SMYD4: variants seen among roughly 807,000 people sequenced by gnomAD.
The protein encoded by SMYD4 is SET and MYND domain containing 4, also known as protein-lysine N-methyltransferase SMYD4.
In SMYD4, 68 loss-of-function variants were observed where a neutral mutation model predicts 72.8. The observed-to-expected ratio is 0.93, with a 90% confidence interval of 0.77 to 1.14. The LOEUF (loss-of-function observed/expected upper bound fraction) is 1.14, where lower values mean the gene tolerates loss of function less well. Among genes scored for constraint, SMYD4 ranks in the 50% most tolerant of loss-of-function variants. The pLI is 0.00. For missense variants in SMYD4, 984 were observed against 1,003.7 expected (o/e 0.98, Z 0.27); for synonymous variants, 407 against 388.6 (o/e 1.05, Z -0.56).
rs374636473 is a variant in SMYD4 at position 1,828,599 on chromosome 17, C to CTTTT, written c.-12-597_-12-594dup. On this transcript the variant is annotated intron_variant, in intron 1 of 10. Coordinates refer to ENST00000305513, the MANE Select transcript of SMYD4 (RefSeq NM_052928.3). ...GCTACCATCTGTGCTCTTAGATCCT[C>CTTTT]TTTTTTTTTTTTTTGTGAGGCAGAG... is the stretch of plus-strand genomic sequence containing the variant. 3.3e-5 allele frequency among the ~76,000 whole-genome samples: 4 copies of CTTTT among 121,794 alleles called. 1 individual carries two copies. The highest frequency in any genetic ancestry group is 6.6e-5 in the Non-Finnish European group (4 of 61,020). 79.9% of individuals were successfully genotyped at this position (121,794 alleles called of 152,430 possible).
intron 1 of SMYD4, among the ~76,000 whole-genome samples, chr17:1,828,997 T>C (rs909304757): frequency 6.6e-6 from 1 of 151,998 alleles, no homozygotes; most frequent in African/African-American, 2.4e-5. Flanking sequence ...CTTACATAGT[T>C]CAGCGTTCTG....
chr17:1,811,605 C>T (rs7212522), intron 3 of SMYD4, among the ~76,000 whole-genome samples: 110,436 of 152,146 alleles, frequency 0.73, 40,990 homozygotes, highest in Non-Finnish European at 0.8. Context: ...AATATGGGTC[C>T]ATCTCCTGAA....
Position 1,787,444 on chromosome 17 carries a change from C to A in SMYD4, c.1698G>T (p.Gly566=). 1 of 1,558,858 alleles carries A rather than the reference C, an allele frequency of 6.4e-7. No homozygotes were observed. The highest frequency in any genetic ancestry group is 8.7e-7 in the Non-Finnish European group (1 of 1,151,436). ...CACCATAGCAGTGGAGAATCTCTTGCCCCTTTCTAATCCGCTGTGACGCCC... is the reference window on the plus strand; with the variant it reads ...CACCATAGCAGTGGAGAATCTCTTGACCCTTTCTAATCCGCTGTGACGCCC... ...TIRASQRIRK[G]QEILHCYGPH... Residue 566 remains glycine (G), a synonymous_variant, in exon 6 of 11, where the codon GGG becomes GGT. Transcript: ENST00000305513.
intron 2 of SMYD4, among the ~76,000 whole-genome samples, chr17:1,820,953 C>G (rs1162018950): frequency 6.6e-6 from 1 of 152,124 alleles, no homozygotes; most frequent in Admixed American, 6.6e-5. Flanking sequence ...AACAGAATTA[C>G]AAATAGCTCT....
chr17:1,781,667 T>A (rs911666120), intron 10 of SMYD4: 3 of 291,034 alleles, frequency 1.0e-5, no homozygotes, highest in Non-Finnish European at 1.2e-5. Context: ...ACGAGGCAAA[T>A]CTCAAAGCTT....
chr17:1,826,715 A>G (rs1168589088), intron 2 of SMYD4, among the ~76,000 whole-genome samples: 2 of 152,156 alleles, frequency 1.3e-5, no homozygotes, highest in Non-Finnish European at 2.9e-5. Context: ...CTGCAAATAT[A>G]TAAGGTTCTG....
Position 1,787,411 on chromosome 17 carries a change from G to C in SMYD4, c.1720+11C>G. ...AGAAGGGCAGGATGGCAGTGCGGAG[G>C]GATGGCTCACCATAGCAGTGGAGAA... is the stretch of plus-strand genomic sequence containing the variant. On this transcript the variant is annotated intron_variant, in intron 6 of 10. Transcript: ENST00000305513. 6.4e-7 allele frequency: 1 copy of C among 1,552,926 alleles called. No homozygotes were observed. The highest frequency in any genetic ancestry group is 1.2e-5 in the South Asian group (1 of 84,102).
intron 7 of SMYD4, among the ~76,000 whole-genome samples, chr17:1,785,611 T>G (rs1908641374): frequency 6.6e-6 from 1 of 150,544 alleles, no homozygotes; most frequent in Non-Finnish European, 1.5e-5. Flanking sequence ...AATACAAAGA[T>G]TAGCTGGGCA....
At chr17:1,803,605 T>C (rs140816185) in intron 4 of SMYD4, among the ~76,000 whole-genome samples, 1,642 of 152,194 alleles carry the variant, frequency 0.011, 42 homozygotes, top group Admixed American at 0.067. Context: ...GTTCAAGAGA[T>C]TCTCCTGCCT....
At position 1,784,470 on chromosome 17, in the gene SMYD4, G is replaced by A. The variant is rs746937422; in HGVS notation, c.1885-9C>T. The A allele has an allele frequency of 9.9e-6, 16 of 1,613,886 alleles. No homozygotes were observed. The East Asian group carries it at 1.6e-4, about 16-fold the overall frequency. On this transcript the variant is annotated splice_polypyrimidine_tract_variant and intron_variant, in intron 7 of 10. Coordinates refer to ENST00000305513, the MANE Select transcript of SMYD4 (RefSeq NM_052928.3). ...CGCAGCACGTCATCTCCCTGTGGAA[G>A]TCAGTTTTCTCTTTATTCCAATGCC...
intron 3 of SMYD4, among the ~76,000 whole-genome samples, chr17:1,808,297 T>C (rs8074466): frequency 0.13 from 19,829 of 152,160 alleles, 1,620 homozygotes; most frequent in African/African-American, 0.23. Context: ...TAAAGAACCA[T>C]GTTCCAGTGG....
rs1050348238 is a variant in SMYD4 at position 1,829,848 on chromosome 17, T to A, written c.-135A>T. 2.8e-4 allele frequency: 87 copies of A among 315,958 alleles called. No homozygotes were observed. Among genetic ancestry groups the A allele is most frequent in the Non-Finnish European group, 4.5e-4 (80 of 178,112 alleles). 19.6% of individuals were successfully genotyped at this position (315,958 alleles called of 1,614,324 possible). On this transcript the variant is annotated 5_prime_UTR_variant, in exon 1 of 11. Coordinates refer to ENST00000305513, the MANE Select transcript of SMYD4 (RefSeq NM_052928.3). ...CCTGGCGCGCCCCTTGGCGCCCCGC[T>A]CCGCCCCGCACCGCGTCCGGCGTCC...
chr17:1,785,259 T>C (rs1027589002), intron 7 of SMYD4, among the ~76,000 whole-genome samples: 7 of 145,464 alleles, frequency 4.8e-5, no homozygotes, highest in African/African-American at 1.8e-4. Context: ...CCGTCTCTAC[T>C]AAAAATACAA....
chr17:1,784,200 TG>T (rs1292199014), intron 8 of SMYD4, 125 bp downstream of exon 8: 9 of 1,450,866 alleles, frequency 6.2e-6, no homozygotes, highest in Non-Finnish European at 7.5e-6. Flanking sequence ...ATAGCCATCT[TG>T]TGGCTGGCAT....
rs540448588 is a variant in SMYD4, at chr17:1,818,046, CAA to C, written c.135-5933_135-5932del. Reference sequence around the variant, plus strand: ...TGGGCGATGGAGCAAGACTCTGTCTCAAAAAAAAAAAAAAAAAAAGTTGTTTA... The same window carrying C: ...TGGGCGATGGAGCAAGACTCTGTCTCAAAAAAAAAAAAAAAAAGTTGTTTA... On this transcript the variant is annotated intron_variant, in intron 2 of 10. Coordinates refer to ENST00000305513, the MANE Select transcript of SMYD4 (RefSeq NM_052928.3). 2.9e-5 allele frequency among the ~76,000 whole-genome samples: 3 copies of C among 103,232 alleles called. No individual in the cohort carries two copies. The Admixed American group carries it at 3.4e-4, about 12-fold the overall frequency. The allele number at this position is 103,232 out of a possible 152,430, so 67.7% of individuals were successfully genotyped here. A position where few individuals can be genotyped will look rare whatever the true frequency, so the allele number is the denominator to read the frequency against.
intron 2 of SMYD4, among the ~76,000 whole-genome samples, chr17:1,815,344 T>G (rs1910533395): frequency 6.6e-6 from 1 of 151,174 alleles, no homozygotes; most frequent in Admixed American, 6.6e-5. Flanking sequence ...TTACAGGTGT[T>G]GAGTCACTGT....
intron 7 of SMYD4, among the ~76,000 whole-genome samples, chr17:1,785,946 C>T (rs1351146138): frequency 6.6e-6 from 1 of 152,210 alleles, no homozygotes; most frequent in Non-Finnish European, 1.5e-5. Flanking sequence ...TGGACATCTG[C>T]TGTGTTTCAA....
In SMYD4 at chr17:1,815,582, CAGA is replaced by C. The variant is rs567061775; in HGVS notation, c.135-3470_135-3468del. 4.7e-4 allele frequency among the ~76,000 whole-genome samples: 70 copies of C among 148,808 alleles called. 1 individual carries two copies. Among genetic ancestry groups the C allele is most frequent in the African/African-American group, 1.7e-3 (67 of 40,348 alleles). On this transcript the variant is annotated intron_variant, in intron 2 of 10. Transcript: ENST00000305513. ...CTGAGGTGGGAGGATCGCTTGAGCC[CAGA>C]AGGTCAGGGCTACAGTGAGCTACGA...
Position 1,800,156 on chromosome 17 carries a change from T to A in SMYD4, c.1238A>T (p.Asp413Val). The change falls in exon 5 of 11, where the codon GAT becomes GTT. Residue 413 changes from aspartate (D) to valine (V), a missense_variant. Coordinates refer to ENST00000305513, the MANE Select transcript of SMYD4 (RefSeq NM_052928.3). ...ATTATTTTCATACTTCCCATTAATA[T>A]CGCATCCAGGAATTGGGGTCTCAAC... is the stretch of plus-strand genomic sequence containing the variant. ...NIVETPIPGCDINGKYENNYN... is the reference protein window; with the variant it reads ...NIVETPIPGCVINGKYENNYN... 1 of 1,610,792 alleles carries A rather than the reference T, an allele frequency of 6.2e-7. No homozygotes were observed. The highest frequency in any genetic ancestry group is 1.7e-4 in the Middle Eastern group (1 of 6,050).
Sources: gnomAD v4.1 joint callset for allele counts (sites outside exome capture counted in the v4.1 genomes callset) on GRCh38, gnomAD v4.1.1 for gene constraint, MANE v1.5 for transcripts, NCBI Gene and HGNC (gene_info 2026-07-23, HGNC 2026-07-21) for gene names.